MTERF3: variants seen among roughly 807,000 people sequenced by gnomAD.
The protein encoded by MTERF3 is mitochondrial transcription termination factor 3, also known as transcription termination factor 3, mitochondrial.
In MTERF3, 40 loss-of-function variants were observed where a neutral mutation model predicts 40.5. That is an observed-to-expected ratio of 0.99 (90% CI 0.77 to 1.29). The LOEUF (loss-of-function observed/expected upper bound fraction) is 1.29, where lower values mean the gene tolerates loss of function less well. Ranked by LOEUF, MTERF3 falls within the 50% of genes most tolerant of loss-of-function variation. MTERF3 has a pLI of 0.00. For synonymous variants in MTERF3, 158 were observed against 166.6 expected, an observed-to-expected ratio of 0.95 and a Z score of 0.40; for missense variants, 452 against 478.2, an observed-to-expected ratio of 0.95 and a Z score of 0.51.
intron 7 of MTERF3, among the ~76,000 whole-genome samples, chr8:96,241,678 G>A (rs892985811): frequency 2.0e-5 from 3 of 152,146 alleles, no homozygotes; most frequent in African/African-American, 7.2e-5. Context: ...TGGATGTGGT[G>A]GTGTGGGGGG....
At chr8:96,254,050 G>A (rs1810237362) in intron 3 of MTERF3, among the ~76,000 whole-genome samples, 1 of 152,028 alleles carries the variant, frequency 6.6e-6, no homozygotes, top group Non-Finnish European at 1.5e-5. Context: ...GTTTTATCTT[G>A]TATCATCCAT....
At chr8:96,255,783 C>T (rs1031976758) in intron 3 of MTERF3, among the ~76,000 whole-genome samples, 4 of 151,890 alleles carry the variant, frequency 2.6e-5, no homozygotes, top group Admixed American at 2.0e-4. Context: ...TTTGAGGAAA[C>T]GAGATTATAT....
chr8:96,247,498 AAAAC>A (rs1302292712), intron 4 of MTERF3, among the ~76,000 whole-genome samples: 3 of 152,220 alleles, frequency 2.0e-5, no homozygotes, highest in African/African-American at 7.2e-5. Context: ...TCTAACCAGA[AAAAC>A]AAAAAAACTT....
At chr8:96,253,913 T>C (rs970689915) in intron 3 of MTERF3, among the ~76,000 whole-genome samples, 1 of 148,138 alleles carries the variant, frequency 6.8e-6, no homozygotes, top group Non-Finnish European at 1.5e-5. Context: ...GGGGCTGAGG[T>C]GGGAGGATCA....
rs1005298643 is a variant in MTERF3 at position 96,258,666 on chromosome 8, G to A, written c.25C>T (p.Pro9Ser). 1.2e-6 allele frequency: 2 copies of A among 1,609,284 alleles called. No individual in the cohort carries two copies. The highest frequency in any genetic ancestry group is 2.2e-5 in the East Asian group (1 of 44,814). The stretch of plus-strand genomic sequence containing the variant: ...AACTTAACTGAGTTAAACCATCTGG[G>A]TATCTGTTGGGCTGACAAAGCCATT... The part of the protein sequence containing the change: MALSAQQI[P>S]RWFNSVKLRS... Residue 9 changes from proline to serine, a missense_variant, in exon 2 of 8, where the codon CCC (proline) becomes TCC (serine). Pro to Ser is a moderately conservative substitution (Grantham distance 74). Transcript: ENST00000287025.
At chr8:96,260,830 C>T (rs1810370331) in intron 1 of MTERF3, among the ~76,000 whole-genome samples, 1 of 152,230 alleles carries the variant, frequency 6.6e-6, no homozygotes, top group African/African-American at 2.4e-5. Flanking sequence ...TCCCTGGATC[C>T]ATCCTTCCGG....
At chr8:96,244,393 C>T (rs1303261879) in intron 6 of MTERF3, among the ~76,000 whole-genome samples, 1 of 151,054 alleles carries the variant, frequency 6.6e-6, no homozygotes, top group Non-Finnish European at 1.5e-5. Flanking sequence ...TGTGAGCCAC[C>T]GCGCCTGGCC....
chr8:96,246,537 G>A, intron 4 of MTERF3, 83 bp from the exon 5 acceptor site: 4 of 1,250,594 alleles, frequency 3.2e-6, no homozygotes, highest in Non-Finnish European at 4.3e-6. Context: ...ACTTCCCAAA[G>A]TAACAGCTGT....
In MTERF3 at chr8:96,258,386, G is replaced by C. The variant is rs1417228995; in HGVS notation, c.305C>G (p.Ser102Cys). The change falls in exon 2 of 8, where the codon TCC (serine) becomes TGC (cysteine). Residue 102 changes from serine to cysteine, a missense_variant. Physicochemically the swap from Ser to Cys is moderately radical, Grantham distance 112 (BLOSUM62 -1). Transcript: ENST00000287025. Reference sequence around the variant, plus strand: ...TAGAAACAGCTCAGAATCAAAGCTGGATATATTTTGTGTCTTCTGTGACTG... The same window carrying C: ...TAGAAACAGCTCAGAATCAAAGCTGCATATATTTTGTGTCTTCTGTGACTG... ...NEQSQKTQNI[S>C]SFDSELFLEE... 3.7e-6 allele frequency: 6 copies of C among 1,613,130 alleles called. No individual in the cohort carries two copies. In the Middle Eastern group the frequency reaches 6.6e-4, roughly 177 times the overall value.
At chr8:96,254,560 G>A (rs1001810637) in intron 3 of MTERF3, among the ~76,000 whole-genome samples, 1 of 152,150 alleles carries the variant, frequency 6.6e-6, no homozygotes, top group African/African-American at 2.4e-5. Context: ...GTTCATCCGT[G>A]TTGTTGCAAA....
intron 3 of MTERF3, among the ~76,000 whole-genome samples, chr8:96,253,924 C>T (rs1223359224): frequency 2.6e-5 from 4 of 151,968 alleles, no homozygotes; most frequent in African/African-American, 9.7e-5. Context: ...GGGAGGATCA[C>T]TTGAGCCCAG....
In MTERF3 at chr8:96,248,208, C is replaced by G. The variant is rs139243169; in HGVS notation, c.678-1754G>C. On this transcript the variant is annotated intron_variant, in intron 4 of 7. Coordinates refer to ENST00000287025, the MANE Select transcript of MTERF3 (RefSeq NM_015942.5). ...CAGATGAACACACCCTTTGACCTAG[C>G]ATTTCCACTTCTAGAAATACGTCCT... Among the ~76,000 whole-genome samples the G allele has an allele frequency of 8.0e-3, 1,226 of 152,320 alleles. 8 individuals carry two copies. Among genetic ancestry groups the G allele is most frequent in the Non-Finnish European group, 0.013 (871 of 68,020 alleles).
Position 96,254,107 on chromosome 8 carries a change from CTG to C in MTERF3, c.487+2853_487+2854del, listed in dbSNP as rs796912485. ...AAAGCTGTTTCGAAAGGAAAAGTGA[CTG>C]TCTCCTCACAGCAGACATCATCTTT... On this transcript the variant is annotated intron_variant, in intron 3 of 7. Coordinates refer to ENST00000287025, the MANE Select transcript of MTERF3 (RefSeq NM_015942.5). Among the ~76,000 whole-genome samples, 26 of 152,302 alleles carry C rather than the reference CTG, an allele frequency of 1.7e-4. No homozygotes were observed. In the East Asian group the frequency reaches 1.7e-3, roughly 10 times the overall value.
intron 6 of MTERF3, 74 bp from the exon 7 acceptor site, chr8:96,244,154 A>ATTT: frequency 1.9e-5 from 20 of 1,041,370 alleles, no homozygotes; most frequent in Non-Finnish European, 2.3e-5. Context: ...GGCTGCACTG[A>ATTT]TTTTTTTTTT....
Position 96,246,511 on chromosome 8 carries a change from G to C in MTERF3, c.678-57C>G. 2.1e-6 allele frequency: 3 copies of C among 1,448,706 alleles called. No individual in the cohort carries two copies. In the South Asian group the frequency reaches 4.1e-5, roughly 20 times the overall value. The allele number at this position is 1,448,706 out of a possible 1,614,324, so 89.7% of individuals were successfully genotyped here. ...AAACACTTACATTCTTTTTTTTTGAGATGGAGTCTCATGCTACTTCCCAAA... is the reference window on the plus strand; with the variant it reads ...AAACACTTACATTCTTTTTTTTTGACATGGAGTCTCATGCTACTTCCCAAA... On this transcript the variant is annotated intron_variant, in intron 4 of 7. Transcript: ENST00000287025.
rs548779740 is a variant in MTERF3 at position 96,256,822 on chromosome 8, T to C, written c.487+140A>G. On this transcript the variant is annotated intron_variant, in intron 3 of 7. Transcript: ENST00000287025. ...CAAGGATGAGGCAGGGAATACGGTT[T>C]CTCACTAGAAGCCTTTATGCTATTA... 3.3e-4 allele frequency: 200 copies of C among 612,578 alleles called. 4 individuals carry two copies. The South Asian group carries it at 0.01, about 31-fold the overall frequency. 37.9% of individuals were successfully genotyped at this position (612,578 alleles called of 1,614,324 possible).
At chr8:96,245,434 T>C (rs1395275011) in intron 6 of MTERF3, among the ~76,000 whole-genome samples, 1 of 152,196 alleles carries the variant, frequency 6.6e-6, no homozygotes, top group African/African-American at 2.4e-5. Context: ...GCTACTCTTT[T>C]CACAGAAGTC....
At chr8:96,250,492 CTTGAGGTCAG>C (rs1473025287) in intron 4 of MTERF3, among the ~76,000 whole-genome samples, 3 of 144,792 alleles carry the variant, frequency 2.1e-5, no homozygotes, top group Admixed American at 1.4e-4. Flanking sequence ...GGGCAGATCA[CTTGAGGTCAG>C]GAGTTCGAGA....
chr8:96,251,106 T>C lies in MTERF3; in HGVS notation c.488-11A>G, dbSNP rs1810177578. 1 of 1,556,596 alleles carries C rather than the reference T, an allele frequency of 6.4e-7. No homozygotes were observed. Among genetic ancestry groups the C allele is most frequent in the Non-Finnish European group, 8.6e-7 (1 of 1,161,744 alleles). ...TGGACAAATCCACGCCTATAATAAA[T>C]TATAAATACTGTTTGAAGATGACTT... On this transcript the variant is annotated splice_polypyrimidine_tract_variant and intron_variant, in intron 3 of 7. Coordinates refer to ENST00000287025, the MANE Select transcript of MTERF3 (RefSeq NM_015942.5).
Sources: gnomAD v4.1 joint callset for allele counts (sites outside exome capture counted in the v4.1 genomes callset) on GRCh38, gnomAD v4.1.1 for gene constraint, MANE v1.5 for transcripts, NCBI Gene and HGNC (gene_info 2026-07-23, HGNC 2026-07-21) for gene names.